The following KHDRBS2 variants were observed in gnomAD, a reference collection of about 807,000 sequenced individuals.
KHDRBS2 encodes KH domain-containing, RNA-binding, signal transduction-associated protein 2.
A neutral mutation model predicts 44.3 loss-of-function variants in KHDRBS2; 26 were observed. The ratio of observed to expected loss-of-function variants is 0.59; its 90% CI spans 0.43 to 0.81. The LOEUF (loss-of-function observed/expected upper bound fraction) is 0.81. Ranked by LOEUF, KHDRBS2 falls within the 40% of genes least tolerant of loss-of-function variation. The pLI is 0.00. For missense variants in KHDRBS2, 476 were observed against 433.1 expected (o/e 1.10, Z -0.88); for synonymous variants, 194 against 151.1 (o/e 1.28, Z -2.08).
At chr6:61,886,029 T>A (rs1208966098) in intron 6 of KHDRBS2, among the ~76,000 whole-genome samples, 2 of 152,134 alleles carry the variant, frequency 1.3e-5, no homozygotes, top group Non-Finnish European at 2.9e-5. Context: ...TCCAATACCA[T>A]CCCTGTTGTC....
At chr6:62,106,721 G>C (rs928074726) in intron 2 of KHDRBS2, among the ~76,000 whole-genome samples, 1 of 152,152 alleles carries the variant, frequency 6.6e-6, no homozygotes, top group Non-Finnish European at 1.5e-5. Context: ...GAATCCAGCA[G>C]CACATCAAAA....
chr6:62,229,131 G>A (rs1832440136), intron 1 of KHDRBS2, among the ~76,000 whole-genome samples: 1 of 152,106 alleles, frequency 6.6e-6, no homozygotes, highest in South Asian at 2.1e-4. Context: ...CTGGTTTGTG[G>A]AGACTATGGT....
chr6:61,703,302 T>A (rs113930326), intron 7 of KHDRBS2, among the ~76,000 whole-genome samples: 1,848 of 151,988 alleles, frequency 0.012, 46 homozygotes, highest in African/African-American at 0.043. Flanking sequence ...ATTTTATTAT[T>A]TTATTGCATA....
At chr6:61,979,916 T>C (rs1488627287) in intron 3 of KHDRBS2, among the ~76,000 whole-genome samples, 1 of 152,098 alleles carries the variant, frequency 6.6e-6, no homozygotes, top group African/African-American at 2.4e-5. Flanking sequence ...CTATGTTGAT[T>C]CCCATTCAGT....
At chr6:62,135,988 G>C (rs1241335584) in intron 2 of KHDRBS2, among the ~76,000 whole-genome samples, 1 of 151,562 alleles carries the variant, frequency 6.6e-6, no homozygotes, top group African/African-American at 2.4e-5. Context: ...GGTATAGCAA[G>C]AGGACTATAG....
chr6:62,248,177 A>G (rs548168427), intron 1 of KHDRBS2, among the ~76,000 whole-genome samples: 1 of 151,866 alleles, frequency 6.6e-6, no homozygotes, highest in African/African-American at 2.4e-5. Context: ...TCTAGCTTTC[A>G]ATACCTCTAT....
chr6:61,563,597 TA>T, the KHDRBS2 span, among the ~76,000 whole-genome samples: 1 of 152,010 alleles, frequency 6.6e-6, no homozygotes, highest in Admixed American at 6.6e-5. Context: ...GCATTACAAA[TA>T]AGAGTCACAG....
intron 4 of KHDRBS2, among the ~76,000 whole-genome samples, chr6:61,915,466 A>G (rs1806824950): frequency 6.6e-6 from 1 of 152,044 alleles, no homozygotes; most frequent in Admixed American, 6.6e-5. Context: ...TGTGATAGCA[A>G]GAGGAAGGCA....
chr6:62,054,873 T>C (rs1248180765), intron 2 of KHDRBS2, among the ~76,000 whole-genome samples: 5 of 152,052 alleles, frequency 3.3e-5, no homozygotes, highest in Non-Finnish European at 5.9e-5. Flanking sequence ...TTTGTGGTGA[T>C]TGTTATAGAA....
intron 2 of KHDRBS2, among the ~76,000 whole-genome samples, chr6:62,070,728 C>T (rs906540212): frequency 3.9e-5 from 6 of 152,104 alleles, no homozygotes; most frequent in African/African-American, 1.2e-4. Context: ...TTTTCTTAAT[C>T]CAGTCTATCA....
intron 4 of KHDRBS2, among the ~76,000 whole-genome samples, chr6:61,971,239 C>T (rs1771342008): frequency 6.6e-6 from 1 of 151,900 alleles, no homozygotes; most frequent in African/African-American, 2.4e-5. Context: ...ACAATAACAA[C>T]AAAAATACTA....
At chr6:61,555,394 T>A in the KHDRBS2 span, among the ~76,000 whole-genome samples, 26 of 152,194 alleles carry the variant, frequency 1.7e-4, no homozygotes, top group Non-Finnish European at 2.4e-4. Flanking sequence ...CCATTTCATC[T>A]TTCATCTTCT....
chr6:62,051,581 G>T (rs1034415593), intron 2 of KHDRBS2, among the ~76,000 whole-genome samples: 2 of 151,808 alleles, frequency 1.3e-5, no homozygotes, highest in Non-Finnish European at 2.9e-5. Context: ...CCTTGGTAAA[G>T]AATTTTTGGA....
intron 6 of KHDRBS2, among the ~76,000 whole-genome samples, chr6:61,773,915 G>T (rs1398499009): frequency 1.3e-5 from 2 of 151,594 alleles, no homozygotes; most frequent in African/African-American, 4.8e-5. Context: ...TTTCCCCATT[G>T]CTTGTTTTTC....
chr6:62,246,825 T>C (rs141163725), intron 1 of KHDRBS2, among the ~76,000 whole-genome samples: 16 of 152,140 alleles, frequency 1.1e-4, no homozygotes, highest in African/African-American at 3.9e-4. Flanking sequence ...TATATAAATA[T>C]AATTTTTTAA....
At chr6:62,088,318 T>A (rs1192851747) in intron 2 of KHDRBS2, among the ~76,000 whole-genome samples, 1 of 152,228 alleles carries the variant, frequency 6.6e-6, no homozygotes. Context: ...GGGCTGTTTT[T>A]TCCTCCTCTT....
At chr6:61,849,902 C>A (rs1795188384) in intron 6 of KHDRBS2, among the ~76,000 whole-genome samples, 1 of 152,030 alleles carries the variant, frequency 6.6e-6, no homozygotes, top group African/African-American at 2.4e-5. Flanking sequence ...GTGCTAGTAT[C>A]CAAAACTATT....
At chr6:61,686,580 A>G (rs149305399) in intron 8 of KHDRBS2, among the ~76,000 whole-genome samples, 1 of 151,884 alleles carries the variant, frequency 6.6e-6, no homozygotes, top group East Asian at 2.0e-4. Context: ...AAAAAACTCT[A>G]TCACAACTTT....
chr6:61,885,499 G>A (rs1176191195), intron 6 of KHDRBS2, among the ~76,000 whole-genome samples: 1 of 152,156 alleles, frequency 6.6e-6, no homozygotes, highest in African/African-American at 2.4e-5. Flanking sequence ...TGGAATAGCA[G>A]TAAAACCTCT....
Sources: allele counts gnomAD v4.1 joint callset (sites outside exome capture counted in the v4.1 genomes callset), GRCh38; gene constraint gnomAD v4.1.1; transcripts MANE v1.5; gene names NCBI Gene and HGNC (gene_info 2026-07-23, HGNC 2026-07-21).